The following KLHDC4 variants were observed in gnomAD, a reference collection of about 807,000 sequenced individuals.
KLHDC4 encodes kelch domain-containing protein 4.
A neutral mutation model predicts 62.4 loss-of-function variants in KLHDC4; 90 were observed. The ratio of observed to expected loss-of-function variants is 1.44; its 90% CI spans 1.22 to 1.72. KLHDC4 has a LOEUF of 1.72. Among genes scored for constraint, KLHDC4 ranks in the 40% most tolerant of loss-of-function variants. The pLI, the probability that KLHDC4 is intolerant of heterozygous loss-of-function variation, is 0.00. For synonymous variants in KLHDC4, 386 were observed against 284.4 expected (o/e 1.36, Z -3.59); for missense variants, 1,025 against 699.7 (o/e 1.47, Z -5.25).
intron 4 of KLHDC4, 106 bp downstream of exon 4, chr16:87,755,087 GC>G: frequency 1.4e-6 from 1 of 720,368 alleles, no homozygotes; most frequent in South Asian, 1.7e-5. Flanking sequence ...GATCTACAGG[GC>G]CCAGCCCCTC....
At chr16:87,734,557 C>A (rs1436414652) in intron 5 of KLHDC4, among the ~76,000 whole-genome samples, 1 of 152,206 alleles carries the variant, frequency 6.6e-6, no homozygotes, top group East Asian at 1.9e-4. Context: ...CACCCTCCAT[C>A]ATATCAGCAC....
At chr16:87,750,154 T>G (rs1032812977) in intron 4 of KLHDC4, 2 of 152,246 alleles carry the variant, frequency 1.3e-5, no homozygotes, top group African/African-American at 4.8e-5. Context: ...CACATCCATC[T>G]GTGGAAAGAG....
At chr16:87,749,102 G>C (rs2043493396) in intron 4 of KLHDC4, among the ~76,000 whole-genome samples, 1 of 151,572 alleles carries the variant, frequency 6.6e-6, no homozygotes, top group Admixed American at 6.6e-5. Flanking sequence ...AGTGGACACA[G>C]CTAGTTACTT....
intron 6 of KLHDC4, among the ~76,000 whole-genome samples, chr16:87,728,738 T>C (rs1235740721): frequency 6.6e-6 from 1 of 152,074 alleles, no homozygotes; most frequent in Non-Finnish European, 1.5e-5. Context: ...CACAGCACTT[T>C]GGGAGGCCGA....
downstream of KLHDC4, among the ~76,000 whole-genome samples, chr16:87,704,373 G>C (rs1330742483): frequency 7.0e-6 from 1 of 141,928 alleles, no homozygotes; most frequent in East Asian, 2.1e-4. Flanking sequence ...GAGGCGCCTG[G>C]GGAGGGTCCT....
At chr16:87,754,068 A>T (rs1011275102) in intron 4 of KLHDC4, among the ~76,000 whole-genome samples, 1 of 147,574 alleles carries the variant, frequency 6.8e-6, no homozygotes, top group African/African-American at 2.5e-5. Flanking sequence ...TGAACCCAGG[A>T]GGCGGAAATT....
chr16:87,707,261 G>A (rs950543468), downstream of KLHDC4, among the ~76,000 whole-genome samples: 2 of 152,238 alleles, frequency 1.3e-5, no homozygotes, highest in Non-Finnish European at 1.5e-5. Flanking sequence ...GCTGGATGGG[G>A]ACACCTGGTG....
intron 5 of KLHDC4, among the ~76,000 whole-genome samples, chr16:87,734,444 C>A (rs1416283255): frequency 6.6e-6 from 1 of 152,130 alleles, no homozygotes; most frequent in Non-Finnish European, 1.5e-5. Context: ...GATAATTCAC[C>A]ACATCATCAG....
rs2040223922 is a variant in KLHDC4 at position 87,730,850 on chromosome 16, G to C, written c.507-206C>G. 27 of 490,082 alleles carry C rather than the reference G, an allele frequency of 5.5e-5. No individual in the cohort carries two copies. In the South Asian group the frequency reaches 5.5e-4, roughly 10 times the overall value. 30.4% of individuals were successfully genotyped at this position (490,082 alleles called of 1,614,324 possible). A position where few individuals can be genotyped will look rare whatever the true frequency, so the allele number is the denominator to read the frequency against. ...CCAGCTAGCTAAGCTCAAACCTCAA[G>C]AATAAAACAGGAGAACATCTCCAAG... On this transcript the variant is annotated intron_variant, in intron 5 of 11. Transcript: ENST00000270583.
chr16:87,702,028 T>C, exon 1 of KLHDC4: 1 of 456,206 alleles, frequency 2.2e-6, no homozygotes, highest in Non-Finnish European at 4.4e-6. Flanking sequence ...TTACAGAGGC[T>C]AACGCCGGGT....
intron 1 of KLHDC4, chr16:87,765,369 A>C (rs2046493177): frequency 4.3e-6 from 2 of 463,634 alleles, no homozygotes; most frequent in Non-Finnish European, 4.3e-6. Flanking sequence ...GGTTCAGAAA[A>C]GTTAAGAGTC....
rs757673430 is a variant in KLHDC4 at position 87,711,283 on chromosome 16, C to A, written c.996G>T (p.Leu332=). The A allele has an allele frequency of 6.2e-7, 1 of 1,614,184 alleles. No individual in the cohort carries two copies. Among genetic ancestry groups the A allele is most frequent in the South Asian group, 1.1e-5 (1 of 91,086 alleles). ...ESLSGEFFND[L]YFYDATRNRW... is the part of the protein sequence containing the mutation. ...GGTTCCTGGTGGCGTCGTAGAAGTA[C>A]AGATCGTTGAAGAACTCGCCCGACA... Residue 332 remains leucine (L), a synonymous_variant, in exon 9 of 12, where the codon CTG becomes CTT. Transcript: ENST00000270583.
At chr16:87,747,058 C>T (rs2043146536) in intron 5 of KLHDC4, among the ~76,000 whole-genome samples, 1 of 152,202 alleles carries the variant, frequency 6.6e-6, no homozygotes, top group African/African-American at 2.4e-5. Context: ...TGACCAGGTA[C>T]CCACAGTGCA....
chr16:87,702,974 A>G (rs1460207885), downstream of KLHDC4: 2 of 152,350 alleles, frequency 1.3e-5, no homozygotes, highest in African/African-American at 4.8e-5. Context: ...GTAACAGTTT[A>G]AATCATACTG....
intron 5 of KLHDC4, among the ~76,000 whole-genome samples, chr16:87,744,337 C>A (rs1158329928): frequency 1.3e-5 from 2 of 151,866 alleles, no homozygotes; most frequent in East Asian, 3.9e-4. Flanking sequence ...ATTGCTTGAA[C>A]CTCTGAGGTG....
Position 87,758,476 on chromosome 16 carries a change from C to T in KLHDC4, c.192-1999G>A, listed in dbSNP as rs566430520. Among the ~76,000 whole-genome samples, 37 of 152,268 alleles carry T rather than the reference C, an allele frequency of 2.4e-4. 1 individual carries two copies. The South Asian group carries it at 4.8e-3, about 20-fold the overall frequency. On this transcript the variant is annotated intron_variant, in intron 2 of 11. Transcript: ENST00000270583. Reference sequence around the variant, plus strand: ...AAAGACACTTCTATGACTCCACTTACGCAAAATACCTAGAATAGGCCAATT... The same window carrying T: ...AAAGACACTTCTATGACTCCACTTATGCAAAATACCTAGAATAGGCCAATT...
chr16:87,752,551 G>A (rs1379022625), intron 4 of KLHDC4, among the ~76,000 whole-genome samples: 1 of 151,930 alleles, frequency 6.6e-6, no homozygotes, highest in Admixed American at 6.5e-5. Flanking sequence ...TGGCCAGGAT[G>A]GTCTCGATCT....
chr16:87,742,121 G>A (rs2042325768), intron 5 of KLHDC4, among the ~76,000 whole-genome samples: 1 of 152,074 alleles, frequency 6.6e-6, no homozygotes, highest in Non-Finnish European at 1.5e-5. Context: ...AGGAAAAACA[G>A]CCAGAGTAGT....
chr16:87,762,004 G>C lies in KLHDC4; in HGVS notation c.136C>G (p.Leu46Val). 3 of 1,614,050 alleles carry C rather than the reference G, an allele frequency of 1.9e-6. No individual in the cohort carries two copies. Among genetic ancestry groups the C allele is most frequent in the Non-Finnish European group, 1.7e-6 (2 of 1,179,992 alleles). ...ACAGTCTGAGTCCTCTTGGCATCGA[G>C]TGTCTGGAAATGGGCTATGAGCGCT... ...LEALIAHFQT[L>V]DAKRTQTVEL... The change falls in exon 2 of 12, where the codon CTC (leucine) becomes GTC (valine). Residue 46 changes from leucine (L) to valine (V), a missense_variant. Coordinates refer to ENST00000270583, the MANE Select transcript of KLHDC4 (RefSeq NM_017566.4).
Sources: allele counts gnomAD v4.1 joint callset (sites outside exome capture counted in the v4.1 genomes callset), GRCh38; gene constraint gnomAD v4.1.1; transcripts MANE v1.5; gene names NCBI Gene and HGNC (gene_info 2026-07-23, HGNC 2026-07-21).